The following ADAM19 variants were observed in gnomAD, a reference collection of about 807,000 sequenced individuals.
ADAM19 encodes ADAM metallopeptidase domain 19.
In ADAM19, 65 loss-of-function variants were observed where a neutral mutation model predicts 114.7. The ratio of observed to expected loss-of-function variants is 0.57; its 90% CI spans 0.46 to 0.70. ADAM19 has a LOEUF of 0.70. Ranked by LOEUF, ADAM19 falls within the 30% of genes least tolerant of loss-of-function variation. The pLI, the probability that ADAM19 is intolerant of heterozygous loss-of-function variation, is 0.00. For synonymous variants in ADAM19, 466 were observed against 460.5 expected, an observed-to-expected ratio of 1.01 and a Z score of -0.15; for missense variants, 1,063 against 1,204.7, an observed-to-expected ratio of 0.88 and a Z score of 1.74.
intron 4 of ADAM19, among the ~76,000 whole-genome samples, chr5:157,531,783 G>C (rs1004238291): frequency 6.6e-6 from 1 of 152,076 alleles, no homozygotes; most frequent in African/African-American, 2.4e-5. Flanking sequence ...CACACAGAAA[G>C]AGAAGAAGGC....
chr5:157,515,943 G>A (rs1756078324), intron 7 of ADAM19, among the ~76,000 whole-genome samples: 1 of 152,114 alleles, frequency 6.6e-6, no homozygotes, highest in African/African-American at 2.4e-5. Flanking sequence ...TTTTACTGCT[G>A]ACAACTCTCT....
chr5:157,503,591 A>G (rs982681669), intron 11 of ADAM19, among the ~76,000 whole-genome samples: 1 of 152,198 alleles, frequency 6.6e-6, no homozygotes, highest in African/African-American at 2.4e-5. Context: ...TTTGAGAATC[A>G]GGAGTAGCAA....
At chr5:157,500,150 A>G (rs780809819) in intron 12 of ADAM19, among the ~76,000 whole-genome samples, 4 of 152,142 alleles carry the variant, frequency 2.6e-5, no homozygotes, top group Non-Finnish European at 5.9e-5. Flanking sequence ...CACAAGAACC[A>G]TATATATGCA....
chr5:157,544,879 G>A (rs1757007151), intron 3 of ADAM19, among the ~76,000 whole-genome samples: 1 of 152,144 alleles, frequency 6.6e-6, no homozygotes, highest in Non-Finnish European at 1.5e-5. Context: ...AGGGAAAGAC[G>A]AATGTAAGAG....
intron 21 of ADAM19, among the ~76,000 whole-genome samples, chr5:157,483,056 G>C (rs956388305): frequency 1.3e-5 from 2 of 151,982 alleles, no homozygotes; most frequent in African/African-American, 4.8e-5. Context: ...ACTGGGGCCT[G>C]TTGGGTGGTG....
chr5:157,524,583 C>T (rs897841760), intron 5 of ADAM19, among the ~76,000 whole-genome samples: 3 of 152,192 alleles, frequency 2.0e-5, no homozygotes, highest in South Asian at 2.1e-4. Flanking sequence ...AAGTAACTAC[C>T]CTGCTACCCT....
At position 157,547,100 on chromosome 5, in the gene ADAM19, C is replaced by G. The variant is rs543309542; in HGVS notation, c.252-9109G>C. ...GCCTGTCAGCGTTATGGAAAGAGTA[C>G]AGGACACTGCTTTTCACACAGGTTT... On this transcript the variant is annotated intron_variant, in intron 3 of 22. Transcript: ENST00000257527. 4.3e-4 allele frequency among the ~76,000 whole-genome samples: 65 copies of G among 152,296 alleles called. 2 individuals carry two copies. The South Asian group carries it at 0.013, about 30-fold the overall frequency.
chr5:157,503,873 C>T (rs1755648761), intron 11 of ADAM19, among the ~76,000 whole-genome samples: 1 of 152,182 alleles, frequency 6.6e-6, no homozygotes, highest in Non-Finnish European at 1.5e-5. Context: ...AACGCATGCT[C>T]TTTATCACAG....
At chr5:157,555,772 T>A (rs903532416) in intron 3 of ADAM19, among the ~76,000 whole-genome samples, 3 of 152,168 alleles carry the variant, frequency 2.0e-5, no homozygotes, top group African/African-American at 4.8e-5. Flanking sequence ...GTCAGAAGAA[T>A]GAAATCGGTA....
At chr5:157,542,260 T>A (rs867921271) in intron 3 of ADAM19, among the ~76,000 whole-genome samples, 1,401 of 80,226 alleles carry the variant, frequency 0.017, 25 homozygotes, top group African/African-American at 0.091. Flanking sequence ...TTTTTAATAG[T>A]TTTTTTTTTT....
chr5:157,480,947 G>C lies in ADAM19; in HGVS notation c.*2C>G. 3 of 1,614,136 alleles carry C rather than the reference G, an allele frequency of 1.9e-6. No homozygotes were observed. The highest frequency in any genetic ancestry group is 2.5e-6 in the Non-Finnish European group (3 of 1,180,026). ...GGAAAGGGAGAAGCCCCTTGGACAG[G>C]TCTAGATTTTCGAGCTAATCATCCC... On this transcript the variant is annotated 3_prime_UTR_variant, in exon 23 of 23. Coordinates refer to ENST00000257527, the MANE Select transcript of ADAM19 (RefSeq NM_033274.5).
intron 4 of ADAM19, among the ~76,000 whole-genome samples, chr5:157,532,120 C>T (rs1031321353): frequency 2.7e-4 from 41 of 152,178 alleles, no homozygotes; most frequent in African/African-American, 9.6e-4. Flanking sequence ...GGTACCTGTG[C>T]CCGTGAGGTC....
chr5:157,518,340 G>A (rs1581321698), intron 7 of ADAM19, among the ~76,000 whole-genome samples: 2 of 151,922 alleles, frequency 1.3e-5, no homozygotes, highest in South Asian at 2.1e-4. Flanking sequence ...GGGAGTTGGG[G>A]GAGTTCCCCC....
Position 157,479,481 on chromosome 5 carries a change from T to TA in ADAM19, c.*1467_*1468insT. ...AGAGCCACCCAGCACCTTTGTGGAGTGGGAGTCTATCTCCCAGCAAACATC... is the reference window on the plus strand; with the variant it reads ...AGAGCCACCCAGCACCTTTGTGGAGTAGGGAGTCTATCTCCCAGCAAACATC... On this transcript the variant is annotated 3_prime_UTR_variant, in exon 23 of 23. Coordinates refer to ENST00000257527, the MANE Select transcript of ADAM19 (RefSeq NM_033274.5). The TA allele has an allele frequency of 2.0e-6, 2 of 985,554 alleles. No homozygotes were observed. Among genetic ancestry groups the TA allele is most frequent in the South Asian group, 4.7e-5 (1 of 21,272 alleles). 61.1% of individuals were successfully genotyped at this position (985,554 alleles called of 1,614,324 possible).
rs760182958 is a variant in ADAM19 at position 157,520,050 on chromosome 5, G to A, written c.408-19C>T. 2.5e-6 allele frequency: 4 copies of A among 1,592,094 alleles called. No individual in the cohort carries two copies. The East Asian group carries it at 9.0e-5, about 36-fold the overall frequency. On this transcript the variant is annotated intron_variant, in intron 5 of 22. Transcript: ENST00000257527. ...CAGTCCTCTGTTGAGAGGAGAAATAGAATCTCTGGTCAAAGATTATGGTTC... is the reference window on the plus strand; with the variant it reads ...CAGTCCTCTGTTGAGAGGAGAAATAAAATCTCTGGTCAAAGATTATGGTTC...
chr5:157,559,179 C>T (rs1270503251), intron 3 of ADAM19, among the ~76,000 whole-genome samples: 2 of 152,186 alleles, frequency 1.3e-5, no homozygotes, highest in Admixed American at 6.5e-5. Context: ...AAACAAACGC[C>T]CGTTCTTATT....
At chr5:157,566,581 T>C (rs184702507) in intron 2 of ADAM19, 10 of 152,350 alleles carry the variant, frequency 6.6e-5, no homozygotes, top group African/African-American at 2.2e-4. Context: ...ACTGAACTTT[T>C]TTCGAAGAAA....
At chr5:157,512,992 C>G (rs1030229488) in intron 8 of ADAM19, among the ~76,000 whole-genome samples, 2 of 152,148 alleles carry the variant, frequency 1.3e-5, no homozygotes, top group African/African-American at 4.8e-5. Flanking sequence ...TCTTCCATGC[C>G]CCAAGCTGCT....
At chr5:157,560,001 C>T (rs1757467200) in intron 3 of ADAM19, among the ~76,000 whole-genome samples, 1 of 152,088 alleles carries the variant, frequency 6.6e-6, no homozygotes, top group South Asian at 2.1e-4. Context: ...CGCGGTGGCT[C>T]ACGCCTGTAA....
Sources: allele counts gnomAD v4.1 joint callset (sites outside exome capture counted in the v4.1 genomes callset), GRCh38; gene constraint gnomAD v4.1.1; transcripts MANE v1.5; gene names NCBI Gene and HGNC (gene_info 2026-07-23, HGNC 2026-07-21).